ASAP1: variants seen among roughly 807,000 people sequenced by gnomAD.
ASAP1 encodes the protein arf-GAP with SH3 domain, ANK repeat and PH domain-containing protein 1.
Under a neutral mutation model 145.2 loss-of-function variants are expected in ASAP1, and 43 were observed. That is an observed-to-expected ratio of 0.30 (90% CI 0.23 to 0.38). The LOEUF (loss-of-function observed/expected upper bound fraction) is 0.38, where lower values mean the gene tolerates loss of function less well. Among genes scored for constraint, ASAP1 ranks in the 10% least tolerant of loss-of-function variants. The pLI is 1.00. For missense variants in ASAP1, 1,018 were observed against 1,355.3 expected, an observed-to-expected ratio of 0.75 and a Z score of 3.91; for synonymous variants, 546 against 515.5, an observed-to-expected ratio of 1.06 and a Z score of -0.80.
chr8:130,382,374 C>G (rs889183031), intron 2 of ASAP1, among the ~76,000 whole-genome samples: 22 of 151,996 alleles, frequency 1.4e-4, no homozygotes, highest in Non-Finnish European at 3.1e-4. Context: ...TCCCACTGTC[C>G]CCGAATCTCC....
chr8:130,300,429 T>C (rs1276393906), intron 3 of ASAP1, among the ~76,000 whole-genome samples: 4 of 152,338 alleles, frequency 2.6e-5, no homozygotes, highest in Middle Eastern at 3.4e-3. Flanking sequence ...CTCTGCCTTG[T>C]GTAGCTGGTA....
At chr8:130,362,780 T>C (rs1383834108) in intron 2 of ASAP1, among the ~76,000 whole-genome samples, 1 of 152,106 alleles carries the variant, frequency 6.6e-6, no homozygotes, top group Non-Finnish European at 1.5e-5. Context: ...ATTTTGGAGG[T>C]AAATAAATAG....
chr8:130,099,373 G>A (rs1465660229), intron 24 of ASAP1, among the ~76,000 whole-genome samples: 2 of 151,986 alleles, frequency 1.3e-5, no homozygotes, highest in Non-Finnish European at 2.9e-5. Context: ...GTAGAGACGG[G>A]GTTTCACCAT....
chr8:130,373,039 CACAT>C (rs1171887590), intron 2 of ASAP1, among the ~76,000 whole-genome samples: 10 of 151,316 alleles, frequency 6.6e-5, no homozygotes, highest in Non-Finnish European at 1.2e-4. Context: ...CACACATACA[CACAT>C]ACAGACCCAC....
At chr8:130,153,630 A>C (rs1438757212) in intron 12 of ASAP1, among the ~76,000 whole-genome samples, 2 of 151,884 alleles carry the variant, frequency 1.3e-5, no homozygotes, top group Non-Finnish European at 2.9e-5. Context: ...GCCCTCCCAG[A>C]ATGCTGAAAT....
chr8:130,063,512 A>G (rs2097423660), intron 27 of ASAP1, among the ~76,000 whole-genome samples: 1 of 152,196 alleles, frequency 6.6e-6, no homozygotes. Context: ...CCAGGGCCTC[A>G]GGGTACACTG....
At chr8:130,227,984 CT>C (rs1185501418) in intron 4 of ASAP1, among the ~76,000 whole-genome samples, 1 of 152,140 alleles carries the variant, frequency 6.6e-6, no homozygotes, top group Non-Finnish European at 1.5e-5. Context: ...GGGCAGGTCT[CT>C]TTGGATCAGT....
intron 3 of ASAP1, among the ~76,000 whole-genome samples, chr8:130,349,333 C>G (rs1384441041): frequency 6.6e-6 from 1 of 152,214 alleles, no homozygotes; most frequent in Non-Finnish European, 1.5e-5. Flanking sequence ...ACTGACCCTT[C>G]AGAAATGAGT....
chr8:130,155,909 G>A (rs2097657444), intron 12 of ASAP1, among the ~76,000 whole-genome samples: 1 of 152,190 alleles, frequency 6.6e-6, no homozygotes, highest in African/African-American at 2.4e-5. Flanking sequence ...CGTATAAATA[G>A]ATAATTCCAA....
At chr8:130,365,783 A>G (rs1013331240) in intron 2 of ASAP1, among the ~76,000 whole-genome samples, 1 of 152,222 alleles carries the variant, frequency 6.6e-6, no homozygotes, top group Admixed American at 6.5e-5. Context: ...CAAGTGTTTA[A>G]GAGATACTTA....
chr8:130,338,730 GCTGAGGACAATCCCATCTCCC>G, intron 3 of ASAP1, among the ~76,000 whole-genome samples: 1 of 152,148 alleles, frequency 6.6e-6, no homozygotes, highest in Non-Finnish European at 1.5e-5. Flanking sequence ...TCAGCTGAAT[GCTGAGGACAATCCCATCTCCC>G]CTGCCACACC....
chr8:130,279,605 T>C (rs1314798829), intron 3 of ASAP1, among the ~76,000 whole-genome samples: 1 of 152,220 alleles, frequency 6.6e-6, no homozygotes, highest in Non-Finnish European at 1.5e-5. Flanking sequence ...AACAAGAAAC[T>C]AACCTCTTTC....
chr8:130,328,656 G>A (rs1278371901), intron 3 of ASAP1, among the ~76,000 whole-genome samples: 2 of 151,166 alleles, frequency 1.3e-5, no homozygotes, highest in Non-Finnish European at 2.9e-5. Context: ...TGTCACACAG[G>A]TTGGAGTGCA....
chr8:130,096,782 A>C (rs2097518766), intron 24 of ASAP1, among the ~76,000 whole-genome samples: 1 of 152,174 alleles, frequency 6.6e-6, no homozygotes, highest in Non-Finnish European at 1.5e-5. Context: ...AGTGTTCTGC[A>C]GGGTGAGAAG....
chr8:130,181,561 C>T (rs1814358840), intron 7 of ASAP1, among the ~76,000 whole-genome samples: 1 of 152,082 alleles, frequency 6.6e-6, no homozygotes, highest in Admixed American at 6.5e-5. Flanking sequence ...GAGCTATTTC[C>T]ACATTCCAAG....
At chr8:130,213,659 C>G (rs922902650) in intron 5 of ASAP1, among the ~76,000 whole-genome samples, 4 of 152,204 alleles carry the variant, frequency 2.6e-5, no homozygotes, top group African/African-American at 9.7e-5. Context: ...CTTGGAAAAG[C>G]ATGATATAAA....
chr8:130,214,877 A>G (rs2136432327), intron 4 of ASAP1, among the ~76,000 whole-genome samples, 176 bp from the exon 5 acceptor site: 1 of 152,154 alleles, frequency 6.6e-6, no homozygotes, highest in Admixed American at 6.5e-5. Flanking sequence ...AACTCACTCT[A>G]CTAAGGAAGA....
chr8:130,173,941 C>T (rs974226055), intron 9 of ASAP1, among the ~76,000 whole-genome samples: 3 of 151,144 alleles, frequency 2.0e-5, no homozygotes, highest in Non-Finnish European at 3.0e-5. Context: ...ATTAGCTTGG[C>T]GTGGCAGCAT....
In ASAP1 at chr8:130,182,729, C is replaced by T. The variant is rs961016582; in HGVS notation, c.531-1849G>A. ...CAAAAGGGGGAGGGTTGGGAAGGAA[C>T]CAGAGGCACTAAGGAAGCAGATAAA... On this transcript the variant is annotated intron_variant, in intron 7 of 29. Coordinates refer to ENST00000518721, the MANE Select transcript of ASAP1 (RefSeq NM_018482.4). Among the ~76,000 whole-genome samples the T allele has an allele frequency of 1.1e-4, 17 of 150,780 alleles. No individual in the cohort carries two copies. In the South Asian group the frequency reaches 3.5e-3, roughly 31 times the overall value.
Sources: allele counts gnomAD v4.1 joint callset (sites outside exome capture counted in the v4.1 genomes callset), GRCh38; gene constraint gnomAD v4.1.1; transcripts MANE v1.5; gene names NCBI Gene and HGNC (gene_info 2026-07-23, HGNC 2026-07-21).